Variants in C10orf90 observed in about 807,000 individuals in gnomAD.
C10orf90 encodes the protein (E2-independent) E3 ubiquitin-conjugating enzyme FATS.
Under a neutral mutation model 62.5 loss-of-function variants are expected in C10orf90, and 56 were observed. That is an observed-to-expected ratio of 0.90 (90% CI 0.72 to 1.12). The LOEUF (loss-of-function observed/expected upper bound fraction) is 1.12, where lower values mean the gene tolerates loss of function less well. Ranked by LOEUF, C10orf90 falls within the 50% of genes most tolerant of loss-of-function variation. The pLI, the probability that C10orf90 is intolerant of heterozygous loss-of-function variation, is 0.00. For missense variants in C10orf90, 970 were observed against 880.4 expected, an observed-to-expected ratio of 1.10 and a Z score of -1.29; for synonymous variants, 386 against 340.4, an observed-to-expected ratio of 1.13 and a Z score of -1.47.
intron 2 of C10orf90, among the ~76,000 whole-genome samples, chr10:126,575,216 T>C (rs988656546): frequency 1.3e-5 from 2 of 152,068 alleles, no homozygotes; most frequent in African/African-American, 4.8e-5. Context: ...AAATTGTCCC[T>C]GTTTGAACAC....
chr10:126,639,317 G>A (rs944139621), intron 2 of C10orf90, among the ~76,000 whole-genome samples: 1 of 152,172 alleles, frequency 6.6e-6, no homozygotes, highest in Non-Finnish European at 1.5e-5. Flanking sequence ...ATGTGCGGTT[G>A]CTGCTCAGCC....
At chr10:126,440,141 G>T (rs186947398) in intron 7 of C10orf90, among the ~76,000 whole-genome samples, 3 of 152,178 alleles carry the variant, frequency 2.0e-5, no homozygotes, top group African/African-American at 7.2e-5. Context: ...ACAGCTGGGC[G>T]GCAGGTAGCT....
chr10:126,473,650 T>C (rs1213377405), intron 4 of C10orf90, among the ~76,000 whole-genome samples: 1 of 103,394 alleles, frequency 9.7e-6, no homozygotes, highest in East Asian at 2.3e-4. Context: ...TGGATTTTTA[T>C]TTTTTTTTTA....
At chr10:126,441,492 T>C (rs1004669897) in intron 7 of C10orf90, among the ~76,000 whole-genome samples, 12 of 152,218 alleles carry the variant, frequency 7.9e-5, no homozygotes, top group African/African-American at 2.6e-4. Flanking sequence ...TTCCCTGGCC[T>C]TGCTAGAGAC....
At chr10:126,563,050 G>A (rs115193458) in intron 2 of C10orf90, among the ~76,000 whole-genome samples, 1 of 152,292 alleles carries the variant, frequency 6.6e-6, no homozygotes, top group Non-Finnish European at 1.5e-5. Flanking sequence ...TCACATTGAT[G>A]ACTTGAAACC....
chr10:126,562,760 A>G (rs1864932341), intron 2 of C10orf90, among the ~76,000 whole-genome samples: 1 of 152,194 alleles, frequency 6.6e-6, no homozygotes. Context: ...ATATCCAGGG[A>G]GCAGAGCCTG....
At chr10:126,551,338 TG>T (rs550409372) in intron 2 of C10orf90, among the ~76,000 whole-genome samples, 1 of 152,334 alleles carries the variant, frequency 6.6e-6, no homozygotes, top group East Asian at 1.9e-4. Flanking sequence ...CTCTGCCTGG[TG>T]CAATAATAGA....
chr10:126,496,788 G>T, intron 4 of C10orf90: 1 of 864,150 alleles, frequency 1.2e-6, no homozygotes, highest in Non-Finnish European at 1.4e-6. Flanking sequence ...ATAAGCATGG[G>T]CTTTGTTGGG....
intron 2 of C10orf90, among the ~76,000 whole-genome samples, chr10:126,556,512 A>T (rs1359694473): frequency 6.6e-6 from 1 of 152,122 alleles, no homozygotes; most frequent in African/African-American, 2.4e-5. Context: ...CAATAAATGT[A>T]CGGTATATAA....
At chr10:126,466,338 C>A (rs1032365612) in intron 4 of C10orf90, among the ~76,000 whole-genome samples, 1 of 149,348 alleles carries the variant, frequency 6.7e-6, no homozygotes, top group African/African-American at 2.5e-5. Flanking sequence ...ACGGTGAAAT[C>A]CCGTCTCTAC....
At chr10:126,627,840 G>T (rs984125592) in intron 2 of C10orf90, among the ~76,000 whole-genome samples, 5 of 152,056 alleles carry the variant, frequency 3.3e-5, no homozygotes, top group African/African-American at 1.2e-4. Flanking sequence ...CTCCCAACTC[G>T]ACCTCATGTG....
chr10:126,481,852 A>G (rs1037478049), intron 4 of C10orf90, among the ~76,000 whole-genome samples: 1 of 152,220 alleles, frequency 6.6e-6, no homozygotes, highest in East Asian at 1.9e-4. Context: ...AAGACCAGCC[A>G]TAAAGCCTAA....
At chr10:126,457,288 C>T (rs1284737374) in intron 7 of C10orf90, among the ~76,000 whole-genome samples, 1 of 152,222 alleles carries the variant, frequency 6.6e-6, no homozygotes, top group Non-Finnish European at 1.5e-5. Context: ...TGGGCCCTGC[C>T]AGTTCCTGTT....
At position 126,532,768 on chromosome 10, in the gene C10orf90, C is replaced by T. The variant is rs1324921830; in HGVS notation, c.314-18829G>A. On this transcript the variant is annotated intron_variant, in intron 2 of 9. Coordinates refer to ENST00000488181, the MANE Select transcript of C10orf90 (RefSeq NM_001350921.2). ...AGGAGAATGGCGTGAACCCGGGAGG[C>T]GGAGATTGCAGTGAGCCGAGATCGC... Among the ~76,000 whole-genome samples the T allele has an allele frequency of 2.3e-5, 3 of 132,172 alleles. No homozygotes were observed. In the East Asian group the frequency reaches 7.5e-4, roughly 33 times the overall value. The allele number at this position is 132,172 out of a possible 152,430, so 86.7% of individuals were successfully genotyped here. A position where few individuals can be genotyped will look rare whatever the true frequency, so the allele number is the denominator to read the frequency against.
intron 2 of C10orf90, among the ~76,000 whole-genome samples, chr10:126,538,219 T>A (rs1847777788): frequency 1.3e-5 from 2 of 152,060 alleles, no homozygotes; most frequent in Admixed American, 1.3e-4. Context: ...AACCATCAGA[T>A]CTTATGAGAC....
chr10:126,646,009 A>C (rs981446110), intron 2 of C10orf90, among the ~76,000 whole-genome samples: 3 of 152,228 alleles, frequency 2.0e-5, no homozygotes, highest in African/African-American at 7.2e-5. Context: ...TTACAGTTCC[A>C]TCAGAACATT....
In C10orf90 at chr10:126,576,748, ACATATAGATAATATGT is replaced by A. The variant is rs1315733581; in HGVS notation, c.314-62825_314-62810del. 3.6e-3 allele frequency among the ~76,000 whole-genome samples: 304 copies of A among 85,304 alleles called. 5 individuals carry two copies. Among genetic ancestry groups the A allele is most frequent in the African/African-American group, 0.012 (232 of 19,208 alleles). The allele number at this position is 85,304 out of a possible 152,430, so 56.0% of individuals were successfully genotyped here. A position where few individuals can be genotyped will look rare whatever the true frequency, so the allele number is the denominator to read the frequency against. On this transcript the variant is annotated intron_variant, in intron 2 of 9. Transcript: ENST00000488181. ...TACATATATATGTATATGTATATATACATATAGATAATATGTATATGTACATATACATATTATATAT... is the reference window on the plus strand; with the variant it reads ...TACATATATATGTATATGTATATATAATATGTACATATACATATTATATAT...
intron 4 of C10orf90, among the ~76,000 whole-genome samples, chr10:126,493,226 G>A (rs2133845346): frequency 6.6e-6 from 1 of 151,880 alleles, no homozygotes; most frequent in Non-Finnish European, 1.5e-5. Flanking sequence ...ATTTATGAGA[G>A]ATTCCAAGTA....
intron 2 of C10orf90, among the ~76,000 whole-genome samples, chr10:126,599,303 A>G (rs1398647947): frequency 6.7e-6 from 1 of 150,316 alleles, no homozygotes. Context: ...CTCCTGCCTC[A>G]GCCTTCCGAG....
Sources: gnomAD v4.1 joint callset for allele counts (sites outside exome capture counted in the v4.1 genomes callset) on GRCh38, gnomAD v4.1.1 for gene constraint, MANE v1.5 for transcripts, NCBI Gene and HGNC (gene_info 2026-07-23, HGNC 2026-07-21) for gene names.